Variants in SUN5 observed in about 807,000 individuals in gnomAD.
SUN5 encodes SUN domain-containing protein 5.
SUN5 carries 44 observed loss-of-function variants against 53.7 expected under a neutral mutation model. The observed-to-expected ratio is 0.82, with a 90% CI of 0.64 to 1.05. The LOEUF (loss-of-function observed/expected upper bound fraction) is 1.05, where lower values mean the gene tolerates loss of function less well. Among genes scored for constraint, SUN5 ranks in the 50% least tolerant of loss-of-function variants. The pLI is 0.00. For synonymous variants in SUN5, 166 were observed against 179.8 expected (o/e 0.92, Z 0.62); for missense variants, 433 against 483.8 (o/e 0.90, Z 0.98).
chr20:32,986,486 T>C (rs1989543304), intron 10 of SUN5, among the ~76,000 whole-genome samples: 1 of 152,190 alleles, frequency 6.6e-6, no homozygotes, highest in Admixed American at 6.5e-5. Context: ...TCTGAGCTTC[T>C]GGAGCCATGG....
At chr20:32,992,761 CA>C (rs1989743355) in intron 8 of SUN5, among the ~76,000 whole-genome samples, 1 of 152,158 alleles carries the variant, frequency 6.6e-6, no homozygotes, top group Non-Finnish European at 1.5e-5. Context: ...CACTCTCCCC[CA>C]AAAGGCAACA....
chr20:32,991,579 C>G (rs1461787393), intron 8 of SUN5, among the ~76,000 whole-genome samples: 1 of 152,146 alleles, frequency 6.6e-6, no homozygotes, highest in Non-Finnish European at 1.5e-5. Context: ...CTTCCCTCCC[C>G]ACTGCAGAGG....
chr20:32,987,748 G>C lies in SUN5; in HGVS notation c.641C>G (p.Ser214Ter). ...IGASIDFEHT[S>*]VTYNHEKAHS... ...GGCCTTCTCATGGTTATAGGTGACT[G>C]ACGTGTGCTCAAAGTCAATGCTGGC... The change falls in exon 10 of 13, where the codon TCA becomes TGA. Residue 214 changes from serine (S) to a stop codon, truncating the protein, a stop_gained. Coordinates refer to ENST00000356173, the MANE Select transcript of SUN5 (RefSeq NM_080675.4). LOFTEE classifies it high-confidence loss of function. The C allele has an allele frequency of 6.2e-7, 1 of 1,613,340 alleles. No individual in the cohort carries two copies. The highest frequency in any genetic ancestry group is 8.5e-7 in the Non-Finnish European group (1 of 1,179,778).
intron 8 of SUN5, among the ~76,000 whole-genome samples, chr20:32,991,978 T>C (rs893546494): frequency 4.6e-5 from 7 of 152,148 alleles, no homozygotes; most frequent in African/African-American, 1.7e-4. Context: ...AGGTTCCCAG[T>C]TGAGGGGCCC....
chr20:32,984,769 G>A (rs11697472), intron 12 of SUN5, among the ~76,000 whole-genome samples: 20,458 of 152,168 alleles, frequency 0.13, 2,498 homozygotes, highest in African/African-American at 0.33. Context: ...CACCCACTAC[G>A]GAGACTCTAC....
intron 1 of SUN5, among the ~76,000 whole-genome samples, chr20:33,003,850 GC>G (rs1990117984): frequency 2.0e-5 from 3 of 152,106 alleles, no homozygotes. Flanking sequence ...AGATTTGGGT[GC>G]CCAGAGATAG....
At chr20:33,000,931 C>A (rs1408400464) in intron 4 of SUN5, among the ~76,000 whole-genome samples, 2 of 151,782 alleles carry the variant, frequency 1.3e-5, no homozygotes, top group African/African-American at 4.8e-5. Flanking sequence ...GGAGTGAGAA[C>A]CCTGGCCTTG....
At chr20:32,996,394 A>G in intron 6 of SUN5, 36 bp from the exon 7 acceptor site, 1 of 1,598,796 alleles carries the variant, frequency 6.3e-7, no homozygotes, top group South Asian at 1.1e-5. Flanking sequence ...GGTCTCCTTC[A>G]GATGGCTTAA....
At chr20:32,994,316 T>A (rs1302392116) in intron 8 of SUN5, among the ~76,000 whole-genome samples, 3 of 152,224 alleles carry the variant, frequency 2.0e-5, no homozygotes, top group Non-Finnish European at 4.4e-5. Context: ...ACAGCTACAG[T>A]TCTTTTGTAT....
intron 12 of SUN5, among the ~76,000 whole-genome samples, chr20:32,984,400 C>G (rs370110723): frequency 1.2e-4 from 18 of 152,302 alleles, no homozygotes; most frequent in African/African-American, 4.3e-4. Flanking sequence ...GTAAGTGAGG[C>G]CCCTCCCCGT....
chr20:33,000,749 G>C (rs1390546281), intron 4 of SUN5, among the ~76,000 whole-genome samples: 2 of 152,034 alleles, frequency 1.3e-5, no homozygotes, highest in Admixed American at 1.3e-4. Context: ...GGAGGCTGAG[G>C]TGGGACGATT....
At chr20:33,002,003 T>C (rs1990063895) in intron 3 of SUN5, among the ~76,000 whole-genome samples, 1 of 152,160 alleles carries the variant, frequency 6.6e-6, no homozygotes, top group Admixed American at 6.5e-5. Context: ...AATGTAACAA[T>C]GCCCATTTCT....
intron 9 of SUN5, among the ~76,000 whole-genome samples, chr20:32,988,339 G>A (rs1445703469): frequency 6.6e-6 from 1 of 152,196 alleles, no homozygotes; most frequent in Non-Finnish European, 1.5e-5. Flanking sequence ...GGGTGCCCGA[G>A]TTGGAGGTGC....
intron 6 of SUN5, 133 bp from the exon 7 acceptor site, chr20:32,996,491 G>T (rs962107022): frequency 4.5e-6 from 3 of 670,088 alleles, no homozygotes; most frequent in Non-Finnish European, 4.9e-6. Flanking sequence ...TCTTCCACCC[G>T]TCTACCCACC....
intron 3 of SUN5, among the ~76,000 whole-genome samples, chr20:33,001,996 G>A (rs1990063612): frequency 6.6e-6 from 1 of 152,184 alleles, no homozygotes; most frequent in Non-Finnish European, 1.5e-5. Context: ...GGCCTGGAAT[G>A]TAACAATGCC....
intron 9 of SUN5, 29 bp from the exon 10 acceptor site, chr20:32,987,804 G>A: frequency 2.5e-6 from 4 of 1,586,410 alleles, no homozygotes; most frequent in Non-Finnish European, 3.4e-6. Context: ...TCTCAGCCAA[G>A]CAGCCGGGCT....
rs1420577192 is a variant in SUN5, at chr20:32,997,632, A to G, written c.390+6T>C. ...GCTGTGGGGCCTGAGGAGGGTGCAC[A>G]CTCACCTGCCAGACTTTCATTTTCG... On this transcript the variant is annotated splice_donor_region_variant and intron_variant, in intron 6 of 12. Transcript: ENST00000356173. 4 of 1,613,830 alleles carry G rather than the reference A, an allele frequency of 2.5e-6. No homozygotes were observed. The highest frequency in any genetic ancestry group is 1.7e-5 in the Admixed American group (1 of 59,982).
intron 2 of SUN5, 100 bp from the exon 3 acceptor site, chr20:33,002,761 C>G: frequency 6.3e-7 from 1 of 1,598,566 alleles, no homozygotes; most frequent in South Asian, 1.1e-5. Flanking sequence ...CATCCCTGCC[C>G]CTGCCCCTTG....
intron 12 of SUN5, among the ~76,000 whole-genome samples, chr20:32,984,591 A>G (rs139393661): frequency 6.6e-6 from 1 of 152,362 alleles, no homozygotes; most frequent in African/African-American, 2.4e-5. Context: ...GTGGTTGGGC[A>G]GAAATTCGGG....
Sources: gnomAD v4.1 joint callset for allele counts (sites outside exome capture counted in the v4.1 genomes callset) on GRCh38, gnomAD v4.1.1 for gene constraint, MANE v1.5 for transcripts, NCBI Gene and HGNC (gene_info 2026-07-23, HGNC 2026-07-21) for gene names.